The following AACS variants were observed in gnomAD, a reference collection of about 807,000 sequenced individuals.
The protein encoded by AACS is acetoacetate-CoA ligase.
AACS carries 69 observed loss-of-function variants against 83.1 expected under a neutral mutation model. That is an observed-to-expected ratio of 0.83 (90% CI 0.68 to 1.01). The LOEUF (loss-of-function observed/expected upper bound fraction) is 1.01, where lower values mean the gene tolerates loss of function less well. AACS is among the 50% of genes least tolerant of loss of function. The pLI is 0.00. For synonymous variants in AACS, 333 were observed against 343.4 expected (o/e 0.97, Z 0.33); for missense variants, 866 against 882.2 (o/e 0.98, Z 0.23).
intron 17 of AACS, chr12:125,138,388 C>T (rs1957430024): frequency 6.6e-6 from 1 of 152,186 alleles, no homozygotes; most frequent in Non-Finnish European, 1.5e-5. Flanking sequence ...CACTGATGCT[C>T]TCCAAGAAGG....
At chr12:125,137,363 G>A (rs891580609) in intron 17 of AACS, among the ~76,000 whole-genome samples, 1 of 152,142 alleles carries the variant, frequency 6.6e-6, no homozygotes, top group Non-Finnish European at 1.5e-5. Context: ...TGTATTCTTA[G>A]TAAAGATGGG....
intron 8 of AACS, among the ~76,000 whole-genome samples, chr12:125,110,506 G>A (rs1013757589): frequency 1.3e-5 from 2 of 152,192 alleles, no homozygotes; most frequent in African/African-American, 2.4e-5. Context: ...GAGTCAGGAT[G>A]CTTGCGACGC....
rs940294475 is a variant in AACS at position 125,065,606 on chromosome 12, G to T, written c.22G>T (p.Gly8Cys). 1.3e-5 allele frequency: 20 copies of T among 1,497,598 alleles called. No individual in the cohort carries two copies. The highest frequency in any genetic ancestry group is 1.7e-5 in the Non-Finnish European group (19 of 1,118,122). The allele number at this position is 1,497,598 out of a possible 1,614,324, so 92.8% of individuals were successfully genotyped here. The change falls in exon 1 of 18, where the codon GGT (glycine) becomes TGT (cysteine). Residue 8 changes from glycine to cysteine, a missense_variant. Coordinates refer to ENST00000316519, the MANE Select transcript of AACS (RefSeq NM_023928.5). ...CGCCATGTCCAAGGAGGAGCGCCCCGGTCGGGAGGAGATCCTGGAGTGCCA... is the reference window on the plus strand; with the variant it reads ...CGCCATGTCCAAGGAGGAGCGCCCCTGTCGGGAGGAGATCCTGGAGTGCCA... The part of the protein sequence containing the change: MSKEERP[G>C]REEILECQVM...
At chr12:125,120,860 GTA>G in intron 10 of AACS, 1 of 152,442 alleles carries the variant, frequency 6.6e-6, no homozygotes, top group South Asian at 2.1e-4. Context: ...GTGCATGAGT[GTA>G]TGTGCACCTA....
Position 125,133,898 on chromosome 12 carries a change from T to C in AACS, c.1550-105T>C. ...CCCCCAGCCCCATGCCAGACCTGCC[T>C]CTGGGCCCCAGTGATGTCTGCGGAC... On this transcript the variant is annotated intron_variant, in intron 14 of 17. Coordinates refer to ENST00000316519, the MANE Select transcript of AACS (RefSeq NM_023928.5). 8 of 1,158,600 alleles carry C rather than the reference T, an allele frequency of 6.9e-6. No individual in the cohort carries two copies. In the South Asian group the frequency reaches 1.1e-4, roughly 16 times the overall value. 71.8% of individuals were successfully genotyped at this position (1,158,600 alleles called of 1,614,324 possible).
intron 8 of AACS, among the ~76,000 whole-genome samples, chr12:125,112,615 G>C (rs1400612396): frequency 6.7e-6 from 1 of 148,302 alleles, no homozygotes; most frequent in African/African-American, 2.5e-5. Context: ...AGGAGGTGGA[G>C]GTTGCAGTGA....
rs1413620189 is a variant in AACS at position 125,097,592 on chromosome 12, C to T, written c.571-5087C>T. Among the ~76,000 whole-genome samples the T allele has an allele frequency of 1.3e-5, 2 of 152,154 alleles. No individual in the cohort carries two copies. Among genetic ancestry groups the T allele is most frequent in the Non-Finnish European group, 2.9e-5 (2 of 68,028 alleles). The stretch of plus-strand genomic sequence containing the variant: ...AAGCTTGGCTTGGTCTGCGCCTCCT[C>T]CCGTGCCTTCCGCAGTGGCCAAGGT... On this transcript the variant is annotated intron_variant, in intron 5 of 17. Coordinates refer to ENST00000316519, the MANE Select transcript of AACS (RefSeq NM_023928.5). This position sits in a 1 kb window ranked among gnomAD's most constrained non-coding sequence, Gnocchi z 4.3.
chr12:125,093,893 G>A (rs1010416038), intron 5 of AACS, among the ~76,000 whole-genome samples: 21 of 152,232 alleles, frequency 1.4e-4, no homozygotes, highest in African/African-American at 4.3e-4. Flanking sequence ...TGGTGGCTTC[G>A]TGGCAGGCAT....
At chr12:125,093,474 A>G (rs1312541190) in intron 5 of AACS, among the ~76,000 whole-genome samples, 1 of 152,146 alleles carries the variant, frequency 6.6e-6, no homozygotes, top group African/African-American at 2.4e-5. Flanking sequence ...GGATCTGCCC[A>G]TCCTGGAAGG....
intron 7 of AACS, among the ~76,000 whole-genome samples, chr12:125,104,019 A>AAAAAAAAAC (rs1491061742): frequency 6.9e-6 from 1 of 144,114 alleles, no homozygotes; most frequent in Non-Finnish European, 1.5e-5. Context: ...AAAAAAAAAA[A>AAAAAAAAAC]GAATCTTCAT....
intron 5 of AACS, among the ~76,000 whole-genome samples, chr12:125,096,027 C>T (rs1362268078): frequency 1.3e-5 from 2 of 152,204 alleles, no homozygotes; most frequent in Non-Finnish European, 2.9e-5. Context: ...TGCAGTGGCG[C>T]GATCTCGGCT....
chr12:125,126,579 GTT>G (rs35956139), intron 12 of AACS: 20 of 140,110 alleles, frequency 1.4e-4, no homozygotes, highest in Non-Finnish European at 1.9e-4. Context: ...CTTTGGGTCA[GTT>G]TTTTTTTTTT....
Position 125,110,732 on chromosome 12 carries a change from G to A in AACS, c.915+3464G>A, listed in dbSNP as rs974600381. 3.3e-5 allele frequency among the ~76,000 whole-genome samples: 5 copies of A among 152,218 alleles called. 1 individual carries two copies. In the South Asian group the frequency reaches 1.0e-3, roughly 32 times the overall value. ...GGAGAAACCTTTGCTTGATAAGACA[G>A]TGGCATTTGAAAAGGAAATATACAA... On this transcript the variant is annotated intron_variant, in intron 8 of 17. Coordinates refer to ENST00000316519, the MANE Select transcript of AACS (RefSeq NM_023928.5).
intron 1 of AACS, among the ~76,000 whole-genome samples, chr12:125,069,880 C>T (rs555468367): frequency 6.6e-6 from 1 of 152,322 alleles, no homozygotes; most frequent in East Asian, 1.9e-4. Context: ...CTGGGCATTC[C>T]ACGAATGGGG....
intron 3 of AACS, among the ~76,000 whole-genome samples, chr12:125,078,558 C>A (rs769258454): frequency 2.6e-5 from 4 of 152,166 alleles, no homozygotes; most frequent in Non-Finnish European, 5.9e-5. Context: ...CAGTGGCTCA[C>A]GCCTGTAATC....
chr12:125,065,496 C>T lies in AACS; in HGVS notation c.-89C>T. On this transcript the variant is annotated 5_prime_UTR_variant, in exon 1 of 18. Transcript: ENST00000316519. ...GCCCGCCAGGCGCTCCTGACCGTCGCTTCCTCCGGTCCCAGGTCCCCGGCC... is the reference window on the plus strand; with the variant it reads ...GCCCGCCAGGCGCTCCTGACCGTCGTTTCCTCCGGTCCCAGGTCCCCGGCC... The T allele has an allele frequency of 7.6e-7, 1 of 1,317,984 alleles. No homozygotes were observed. The highest frequency in any genetic ancestry group is 9.8e-7 in the Non-Finnish European group (1 of 1,021,304). 81.6% of individuals were successfully genotyped at this position (1,317,984 alleles called of 1,614,324 possible). A position where few individuals can be genotyped will look rare whatever the true frequency, so the allele number is the denominator to read the frequency against.
At chr12:125,134,702 G>T (rs1957375531) in intron 15 of AACS, 92 bp from the exon 16 acceptor site, 1 of 1,427,426 alleles carries the variant, frequency 7.0e-7, no homozygotes, top group African/African-American at 1.4e-5. Context: ...GATGCCATGG[G>T]AAAGTGGGGG....
chr12:125,072,936 T>G (rs1357490574), intron 1 of AACS, among the ~76,000 whole-genome samples: 2 of 144,382 alleles, frequency 1.4e-5, no homozygotes, highest in African/African-American at 5.2e-5. Context: ...TTTTTTTTTT[T>G]TTTTTTTTTG....
At position 125,112,711 on chromosome 12, in the gene AACS, A is replaced by G. The variant is rs796362079; in HGVS notation, c.916-1766A>G. ...AAAAAAGACATACTGAGACTGGGCA[A>G]TTTATAAGAGAAAGGTTTAATGGAC... On this transcript the variant is annotated intron_variant, in intron 8 of 17. Transcript: ENST00000316519. 2.3e-4 allele frequency among the ~76,000 whole-genome samples: 34 copies of G among 149,648 alleles called. 1 individual carries two copies. Among genetic ancestry groups the G allele is most frequent in the African/African-American group, 7.9e-4 (32 of 40,764 alleles).
Sources: gnomAD v4.1 joint callset for allele counts (sites outside exome capture counted in the v4.1 genomes callset) on GRCh38, gnomAD v4.1.1 for gene constraint, Gnocchi (gnomAD v3.1) non-coding constraint, MANE v1.5 for transcripts, NCBI Gene and HGNC (gene_info 2026-07-23, HGNC 2026-07-21) for gene names.